Variants in EVPL observed in about 807,000 individuals in gnomAD.
EVPL encodes envoplakin.
EVPL carries 94 observed loss-of-function variants against 129.7 expected under a neutral mutation model. The ratio of observed to expected loss-of-function variants is 0.72; its 90% CI spans 0.61 to 0.86. The LOEUF is 0.86. Among genes scored for constraint, EVPL ranks in the 40% least tolerant of loss-of-function variants. EVPL has a pLI of 0.00. For synonymous variants in EVPL, 1,172 were observed against 1,191.1 expected, an observed-to-expected ratio of 0.98 and a Z score of 0.33; for missense variants, 2,625 against 2,721.1, an observed-to-expected ratio of 0.96 and a Z score of 0.79.
intron 2 of EVPL, 77 bp from the exon 3 acceptor site, chr17:76,023,731 C>T (rs2144440764): frequency 6.9e-7 from 1 of 1,456,832 alleles, no homozygotes; most frequent in East Asian, 2.5e-5. Flanking sequence ...TGGGCCTGAG[C>T]CCCAACTTTG....
In EVPL at chr17:76,022,009, C is replaced by T. The variant is rs560349231; in HGVS notation, c.665G>A (p.Gly222Glu). Residue 222 changes from glycine (G) to glutamate (E), a missense_variant, in exon 7 of 22, where the codon GGG becomes GAG. Gly to Glu is a moderately conservative substitution (Grantham distance 98). Transcript: ENST00000301607. This position sits in a 1 kb window ranked among gnomAD's most constrained non-coding sequence, Gnocchi z 5.6. ...RDLLKAASWR[G>E]QSLGSLYTHL... ...CGTGTACAGGCTGCCCAGGCTCTGC[C>T]CGCGCCACGACGCCGCCTTCTGTGC... 3.8e-6 allele frequency: 6 copies of T among 1,559,870 alleles called. 1 individual carries two copies. The South Asian group carries it at 5.8e-5, about 15-fold the overall frequency.
At chr17:76,021,443 C>T (rs577220174) in intron 9 of EVPL, 25 bp downstream of exon 9, 3 of 1,592,574 alleles carry the variant, frequency 1.9e-6, no homozygotes, top group African/African-American at 1.3e-5. Flanking sequence ...CCCCTGCCGC[C>T]CCTGCCGCCT....
In EVPL at chr17:76,007,924, CCTT is replaced by C. The variant is rs746764601; in HGVS notation, c.5278_5280del (p.Lys1760del). The C allele has an allele frequency of 1.9e-6, 3 of 1,613,984 alleles. No homozygotes were observed. The highest frequency in any genetic ancestry group is 1.7e-6 in the Non-Finnish European group (2 of 1,180,034). Reference sequence around the variant, plus strand: ...CCGTCCTTGTACAGATGGTACTCCTCCTTAGAGATGCGCCGGCAGCGGAGGGCG... The same window carrying C: ...CCGTCCTTGTACAGATGGTACTCCTCAGAGATGCGCCGGCAGCGGAGGGCG... On this transcript the variant is annotated inframe_deletion, in exon 22 of 22. Coordinates refer to ENST00000301607, the MANE Select transcript of EVPL (RefSeq NM_001988.4). The surrounding 1 kb of genome is among the most constrained non-coding windows in gnomAD (Gnocchi z 8.8).
At position 76,007,588 on chromosome 17, in the gene EVPL, T is replaced by C; in HGVS notation, c.5617A>G (p.Ser1873Gly). 1.2e-6 allele frequency: 2 copies of C among 1,614,024 alleles called. No homozygotes were observed. Residue 1873 changes from serine to glycine, a missense_variant, in exon 22 of 22, where the codon AGC (serine) becomes GGC (glycine). Ser to Gly is a moderately conservative substitution (Grantham distance 56). Around this residue, in one of 4 missense-constraint regions of EVPL, gnomAD observed 1,453 missense variants for 1,511.8 expected, o/e 0.96. Transcript: ENST00000301607. The surrounding 1 kb of genome is among the most constrained non-coding windows in gnomAD (Gnocchi z 8.8). Reference sequence around the variant, plus strand: ...TTGTGCACAGAGTAGCGCTCACGGCTGAGCAGGTCCACGATGCCCCCTGTG... The same window carrying C: ...TTGTGCACAGAGTAGCGCTCACGGCCGAGCAGGTCCACGATGCCCCCTGTG... ...AATGGIVDLL[S>G]RERYSVHKAM...
rs1224620089 is a variant in EVPL, at chr17:76,010,298, C to A, written c.2907G>T (p.Glu969Asp). ...VVEFYRDPQLEGSLSRVKAQV... is the reference protein window; with the variant it reads ...VVEFYRDPQLDGSLSRVKAQV... ...GGGCCTTCACCCTGGACAGGCTGCC[C>A]TCCAGCTGGGGGTCCCGGTAGAACT... is the stretch of plus-strand genomic sequence containing the variant. The change falls in exon 22 of 22, where the codon GAG becomes GAT. Residue 969 changes from glutamate to aspartate, a missense_variant. Glu to Asp is a conservative substitution (Grantham distance 45, BLOSUM62 2). Around this residue, in one of 4 missense-constraint regions of EVPL, gnomAD observed 1,453 missense variants for 1,511.8 expected, o/e 0.96. Coordinates refer to ENST00000301607, the MANE Select transcript of EVPL (RefSeq NM_001988.4). 7 of 1,613,992 alleles carry A rather than the reference C, an allele frequency of 4.3e-6. No individual in the cohort carries two copies. In the East Asian group the frequency reaches 1.6e-4, roughly 36 times the overall value.
Position 76,024,451 on chromosome 17 carries a change from G to A in EVPL, c.99-331C>T, listed in dbSNP as rs370135492. Among the ~76,000 whole-genome samples, 3 of 152,130 alleles carry A rather than the reference G, an allele frequency of 2.0e-5. No homozygotes were observed. Among genetic ancestry groups the A allele is most frequent in the African/African-American group, 2.4e-5 (1 of 41,502 alleles). Reference sequence around the variant, plus strand: ...CTAGCTACCTGCCACTTCCCTCCCCGAGCCAGTGAATCACCGGCTCAGCCA... The same window carrying A: ...CTAGCTACCTGCCACTTCCCTCCCCAAGCCAGTGAATCACCGGCTCAGCCA... On this transcript the variant is annotated intron_variant, in intron 1 of 21. Coordinates refer to ENST00000301607, the MANE Select transcript of EVPL (RefSeq NM_001988.4). This position sits in a 1 kb window ranked among gnomAD's most constrained non-coding sequence, Gnocchi z 4.5.
rs145604543 is a variant in EVPL at position 76,014,493 on chromosome 17, A to G, written c.2306T>C (p.Leu769Pro). 251 of 1,611,678 alleles carry G rather than the reference A, an allele frequency of 1.6e-4. 1 individual carries two copies. The highest frequency in any genetic ancestry group is 2.7e-4 in the Admixed American group (16 of 59,692). Residue 769 changes from leucine to proline, a missense_variant, in exon 18 of 22, where the codon CTG becomes CCG. Physicochemically the swap from Leu to Pro is moderately conservative, Grantham distance 98. Around this residue, in one of 4 missense-constraint regions of EVPL, gnomAD observed 1,024 missense variants for 997.5 expected, o/e 1.03. Coordinates refer to ENST00000301607, the MANE Select transcript of EVPL (RefSeq NM_001988.4). ...GCTGGGCCGCACCTGGCTGCGGGGC[A>G]GGTGCTCCAGCCAGGAGCTCAGGTT... Reference protein sequence around the residue: ...KDNLSSWLEHLPRSQVRPSDG... With the variant: ...KDNLSSWLEHPPRSQVRPSDG...
intron 1 of EVPL, 111 bp downstream of exon 1, chr17:76,026,990 G>T: frequency 3.2e-6 from 2 of 618,522 alleles, no homozygotes; most frequent in East Asian, 3.2e-5. Flanking sequence ...ATGCCAGCAC[G>T]GGGCTGGTCC....
rs748556871 is a variant in EVPL, at chr17:76,019,041, GC to G, written c.1156del (p.Ala386ProfsTer55). On this transcript the variant is annotated frameshift_variant, in exon 11 of 22. Coordinates refer to ENST00000301607, the MANE Select transcript of EVPL (RefSeq NM_001988.4). LOFTEE classifies it high-confidence loss of function. ...GTCCCCAGTGGCCCTCTCGGTGACGGCCAGCCGTTTTTCCTCTGCCTGCCGG... is the reference window on the plus strand; with the variant it reads ...GTCCCCAGTGGCCCTCTCGGTGACGGCAGCCGTTTTTCCTCTGCCTGCCGG... The part of the protein sequence containing the change: ...QQLEAEEKRL[A>X]VTERATGDLQ... 3 of 1,575,658 alleles carry G rather than the reference GC, an allele frequency of 1.9e-6. No homozygotes were observed. In the East Asian group the frequency reaches 7.0e-5, roughly 37 times the overall value.
chr17:76,010,468 C>T lies in EVPL; in HGVS notation c.2737G>A (p.Glu913Lys). 6.2e-7 allele frequency: 1 copy of T among 1,614,088 alleles called. No homozygotes were observed. The highest frequency in any genetic ancestry group is 1.3e-5 in the African/African-American group (1 of 75,020). The change falls in exon 22 of 22, where the codon GAG becomes AAG. Residue 913 changes from glutamate (E) to lysine (K), a missense_variant. Transcript: ENST00000301607. Reference protein sequence around the residue: ...GSESPAQAGRESEALKAQLEE... With the variant: ...GSESPAQAGRKSEALKAQLEE... ...AGCTGGGCCTTCAGGGCCTCTGACTCTCTCCCTGCTTGGGCAGGGCTCTCG... is the reference window on the plus strand; with the variant it reads ...AGCTGGGCCTTCAGGGCCTCTGACTTTCTCCCTGCTTGGGCAGGGCTCTCG...
intron 18 of EVPL, among the ~76,000 whole-genome samples, chr17:76,012,878 G>A (rs2066388891): frequency 6.6e-6 from 1 of 151,438 alleles, no homozygotes; most frequent in South Asian, 2.1e-4. Flanking sequence ...TCGAGTAGCC[G>A]GGACTACAGG....
rs760392340 is a variant in EVPL at position 76,009,656 on chromosome 17, C to T, written c.3549G>A (p.Val1183=). The change falls in exon 22 of 22, where the codon GTG becomes GTA. Residue 1183 remains valine, a synonymous_variant. Coordinates refer to ENST00000301607, the MANE Select transcript of EVPL (RefSeq NM_001988.4). The surrounding 1 kb of genome is among the most constrained non-coding windows in gnomAD (Gnocchi z 5.9). ...LSDLHSKYSV[V]EKQRPKVQLQ... ...GCTGCACTTTGGGCCTCTGCTTCTCCACCACGCTGTACTTGCTGTGCAGGT... is the reference window on the plus strand; with the variant it reads ...GCTGCACTTTGGGCCTCTGCTTCTCTACCACGCTGTACTTGCTGTGCAGGT... 3.7e-6 allele frequency: 6 copies of T among 1,613,656 alleles called. No individual in the cohort carries two copies. In the Admixed American group the frequency reaches 1.0e-4, roughly 27 times the overall value.
intron 1 of EVPL, among the ~76,000 whole-genome samples, chr17:76,026,459 C>T (rs1356470888): frequency 1.3e-5 from 2 of 152,194 alleles, no homozygotes; most frequent in African/African-American, 4.8e-5. Context: ...AAGGAATCCT[C>T]CCGCATTGGC....
chr17:76,015,006 T>TG lies in EVPL; in HGVS notation c.2131dup (p.Gln711ProfsTer51). 6.3e-7 allele frequency: 1 copy of TG among 1,596,630 alleles called. No homozygotes were observed. The highest frequency in any genetic ancestry group is 2.2e-5 in the East Asian group (1 of 44,738). ...GCGAGGCAGGTCTTGGCAGAACTCC[T>TG]GGAAGTTGTTCTGCAGGGCAGCGCA... is the stretch of plus-strand genomic sequence containing the variant. On this transcript the variant is annotated frameshift_variant, in exon 17 of 22. Coordinates refer to ENST00000301607, the MANE Select transcript of EVPL (RefSeq NM_001988.4). LOFTEE classifies it high-confidence loss of function.
intron 9 of EVPL, among the ~76,000 whole-genome samples, chr17:76,020,383 G>T (rs963546054): frequency 6.6e-6 from 1 of 152,168 alleles, no homozygotes; most frequent in Non-Finnish European, 1.5e-5. Flanking sequence ...GAAGGGCACC[G>T]TCACCTGCCT....
rs1413333747 is a variant in EVPL at position 76,007,225 on chromosome 17, T to C, written c.5980A>G (p.Lys1994Glu). The C allele has an allele frequency of 1.3e-6, 2 of 1,565,920 alleles. No homozygotes were observed. Among genetic ancestry groups the C allele is most frequent in the African/African-American group, 1.4e-5 (1 of 73,396 alleles). The change falls in exon 22 of 22, where the codon AAG becomes GAG. Residue 1994 changes from lysine (K) to glutamate (E), a missense_variant. Lys to Glu is a moderately conservative substitution (Grantham distance 56). This residue lies in a region of EVPL where 1,453 missense variants were observed against 1,511.8 expected (regional missense o/e 0.96). Coordinates refer to ENST00000301607, the MANE Select transcript of EVPL (RefSeq NM_001988.4). The surrounding 1 kb of genome is among the most constrained non-coding windows in gnomAD (Gnocchi z 8.8). Reference sequence around the variant, plus strand: ...TTGCGGCAGCGGCCCATGGCCTCCTTGTAGCTCAGCCGTTCCTTGGAGATG... The same window carrying C: ...TTGCGGCAGCGGCCCATGGCCTCCTCGTAGCTCAGCCGTTCCTTGGAGATG... ...DPISKERLSY[K>E]EAMGRCRKDP...
At chr17:76,020,939 T>G (rs890077163) in intron 9 of EVPL, among the ~76,000 whole-genome samples, 8 of 152,198 alleles carry the variant, frequency 5.3e-5, no homozygotes, top group South Asian at 2.1e-4. Flanking sequence ...TAAAAAGAGT[T>G]AAGATATTTT....
Position 76,015,454 on chromosome 17 carries a change from C to T in EVPL, c.1885G>A (p.Glu629Lys), listed in dbSNP as rs2144417737. Residue 629 changes from glutamate (E) to lysine (K), a missense_variant, in exon 15 of 22, where the codon GAG becomes AAG. This residue lies in a region of EVPL where 1,024 missense variants were observed against 997.5 expected (regional missense o/e 1.03). Transcript: ENST00000301607. ...CCCTGTCCCCAGAGCACTCACTTCT[C>T]CCCGTAGAGGCTGCACAGAACCTGC... ...DVQVLCSLYG[E>K]KAKAALDLER... 1 of 1,612,574 alleles carries T rather than the reference C, an allele frequency of 6.2e-7. No homozygotes were observed. The highest frequency in any genetic ancestry group is 1.3e-5 in the African/African-American group (1 of 75,048).
chr17:76,008,961 C>A lies in EVPL; in HGVS notation c.4244G>T (p.Gly1415Val). ...GAGCAGGCCCTCCTGCTCCTCCACG[C>A]CGGCCCGCAGCTGCTGCACCTCAAG... is the stretch of plus-strand genomic sequence containing the variant. The part of the protein sequence containing the change: ...LELEVQQLRA[G>V]VEEQEGLLSF... The change falls in exon 22 of 22, where the codon GGC becomes GTC. Residue 1415 changes from glycine to valine, a missense_variant. Coordinates refer to ENST00000301607, the MANE Select transcript of EVPL (RefSeq NM_001988.4). This position sits in a 1 kb window ranked among gnomAD's most constrained non-coding sequence, Gnocchi z 7.4. 1 of 1,611,730 alleles carries A rather than the reference C, an allele frequency of 6.2e-7. No homozygotes were observed. Among genetic ancestry groups the A allele is most frequent in the African/African-American group, 1.3e-5 (1 of 75,034 alleles).
Sources: gnomAD v4.1 joint callset for allele counts (sites outside exome capture counted in the v4.1 genomes callset) on GRCh38, gnomAD v4.1.1 for gene constraint, gnomAD v4.1.1 regional missense constraint, Gnocchi (gnomAD v3.1) non-coding constraint, MANE v1.5 for transcripts, NCBI Gene and HGNC (gene_info 2026-07-23, HGNC 2026-07-21) for gene names.